Variants in ESR1 observed in about 807,000 individuals in gnomAD.
ESR1 encodes the protein estrogen receptor.
A neutral mutation model predicts 52.7 loss-of-function variants in ESR1; 12 were observed. That is an observed-to-expected ratio of 0.23 (90% CI 0.15 to 0.37). ESR1 has a LOEUF of 0.37. Among genes scored for constraint, ESR1 ranks in the 10% least tolerant of loss-of-function variants. The pLI is 1.00. For missense variants in ESR1, 584 were observed against 779.7 expected (o/e 0.75, Z 2.99); for synonymous variants, 305 against 316.8 (o/e 0.96, Z 0.39).
rs146648449 is a variant in ESR1 at position 151,882,888 on chromosome 6, T to G, written c.760+2117T>G. On this transcript the variant is annotated intron_variant, in intron 3 of 7. Transcript: ENST00000206249. ...TAATAAAAGTCTCCCCACTGTTTTC[T>G]CCTAGGAATCTAGATAATTTGACTG... Among the ~76,000 whole-genome samples the G allele has an allele frequency of 3.4e-4, 52 of 152,286 alleles. No individual in the cohort carries two copies. The East Asian group carries it at 7.5e-3, about 22-fold the overall frequency.
chr6:151,798,952 A>G (rs1776966501), intron 2 of ESR1, among the ~76,000 whole-genome samples: 1 of 152,192 alleles, frequency 6.6e-6, no homozygotes, highest in South Asian at 2.1e-4. Flanking sequence ...CAGTTGTTTC[A>G]ATGTTTTTAA....
At chr6:151,834,776 C>T (rs746613905) in intron 1 of ESR1, among the ~76,000 whole-genome samples, 15 of 151,988 alleles carry the variant, frequency 9.9e-5, no homozygotes, top group Admixed American at 3.9e-4. Context: ...TGTGAGAAAG[C>T]CAGGCAGGGA....
upstream of ESR1, among the ~76,000 whole-genome samples, chr6:151,686,356 T>C (rs956271058): frequency 6.6e-6 from 1 of 152,080 alleles, no homozygotes; most frequent in Admixed American, 6.6e-5. Flanking sequence ...CACTGAAAAG[T>C]GGACTACTGA....
At chr6:152,024,620 G>A (rs921357253) in intron 5 of ESR1, among the ~76,000 whole-genome samples, 4 of 148,466 alleles carry the variant, frequency 2.7e-5, no homozygotes, top group Admixed American at 2.0e-4. Context: ...TGGATGCCAC[G>A]TGCAGGGTTA....
At chr6:152,075,346 A>G (rs1258200994) in intron 6 of ESR1, among the ~76,000 whole-genome samples, 1 of 152,196 alleles carries the variant, frequency 6.6e-6, no homozygotes, top group Non-Finnish European at 1.5e-5. Flanking sequence ...GGCCCTTTTA[A>G]GATTTATGAT....
chr6:152,044,757 C>A (rs2046090012), intron 5 of ESR1, among the ~76,000 whole-genome samples: 1 of 152,186 alleles, frequency 6.6e-6, no homozygotes, highest in Non-Finnish European at 1.5e-5. Context: ...CTGTTTTTGT[C>A]CTAGCCATGC....
chr6:151,879,674 T>C (rs1398259990), intron 2 of ESR1, among the ~76,000 whole-genome samples: 1 of 152,212 alleles, frequency 6.6e-6, no homozygotes, highest in Admixed American at 6.5e-5. Flanking sequence ...GGTAAACTCC[T>C]AACCTGCATT....
At chr6:151,700,552 A>G (rs1371988369) in intron 1 of ESR1, among the ~76,000 whole-genome samples, 2 of 151,966 alleles carry the variant, frequency 1.3e-5, no homozygotes, top group Admixed American at 6.6e-5. Flanking sequence ...TAAACTACTT[A>G]CTTTGAGCAG....
chr6:151,781,794 G>A (rs1283481460), intron 2 of ESR1, among the ~76,000 whole-genome samples: 6 of 147,934 alleles, frequency 4.1e-5, no homozygotes, highest in Non-Finnish European at 7.5e-5. Context: ...TTAAAAAAAA[G>A]TATTGTGCAC....
At chr6:152,028,325 A>G (rs1208778573) in intron 5 of ESR1, among the ~76,000 whole-genome samples, 2 of 152,190 alleles carry the variant, frequency 1.3e-5, no homozygotes, top group Non-Finnish European at 2.9e-5. Flanking sequence ...CGCACCAAGC[A>G]TGAGCCGAAG....
At chr6:152,050,505 C>A (rs1045622057) in intron 5 of ESR1, among the ~76,000 whole-genome samples, 2 of 151,994 alleles carry the variant, frequency 1.3e-5, no homozygotes, top group African/African-American at 2.4e-5. Flanking sequence ...AATTTTGTAT[C>A]CAGACACTGC....
At chr6:151,760,865 G>A (rs1453318120) in intron 2 of ESR1, among the ~76,000 whole-genome samples, 1 of 152,136 alleles carries the variant, frequency 6.6e-6, no homozygotes, top group African/African-American at 2.4e-5. Context: ...GAAAATAATG[G>A]ATCGATTAAA....
intron 3 of ESR1, among the ~76,000 whole-genome samples, chr6:151,897,867 G>A (rs569621217): frequency 2.0e-5 from 3 of 152,174 alleles, no homozygotes; most frequent in Non-Finnish European, 4.4e-5. Context: ...AGCAGTTCGT[G>A]TAGTCATGTA....
At chr6:151,732,283 G>T (rs527686347) in intron 2 of ESR1, among the ~76,000 whole-genome samples, 4 of 152,206 alleles carry the variant, frequency 2.6e-5, no homozygotes, top group African/African-American at 9.6e-5. Flanking sequence ...AAAAGTATGA[G>T]TTATTTAACT....
chr6:151,704,120 G>A (rs1780001228), intron 2 of ESR1, among the ~76,000 whole-genome samples: 1 of 152,206 alleles, frequency 6.6e-6, no homozygotes, highest in Non-Finnish European at 1.5e-5. Flanking sequence ...AAAAATAAAA[G>A]ATGTAAAATG....
intron 3 of ESR1, among the ~76,000 whole-genome samples, chr6:151,891,477 C>T (rs2128367515): frequency 6.6e-6 from 1 of 152,216 alleles, no homozygotes; most frequent in Non-Finnish European, 1.5e-5. Flanking sequence ...CAGGAATTTC[C>T]ATATGCTTTT....
At chr6:151,933,213 G>A (rs2033913670) in intron 3 of ESR1, among the ~76,000 whole-genome samples, 1 of 149,762 alleles carries the variant, frequency 6.7e-6, no homozygotes, top group South Asian at 2.1e-4. Context: ...TCTCTTTGAA[G>A]CAATTGTGAA....
intron 2 of ESR1, among the ~76,000 whole-genome samples, chr6:151,766,457 G>T (rs549136013): frequency 1.5e-3 from 224 of 151,766 alleles, no homozygotes; most frequent in African/African-American, 5.0e-3. Context: ...CTCCAACCTG[G>T]GTGATCGAGT....
At chr6:152,072,305 C>A (rs1351923420) in intron 6 of ESR1, among the ~76,000 whole-genome samples, 1 of 152,172 alleles carries the variant, frequency 6.6e-6, no homozygotes, top group Non-Finnish European at 1.5e-5. Context: ...GTTCTCAAAG[C>A]ATTTGCATTT....
Sources: allele counts gnomAD v4.1 joint callset (sites outside exome capture counted in the v4.1 genomes callset), GRCh38; gene constraint gnomAD v4.1.1; transcripts MANE v1.5; gene names NCBI Gene and HGNC (gene_info 2026-07-23, HGNC 2026-07-21).